ROBO1: variants seen among roughly 807,000 people sequenced by gnomAD.
ROBO1 encodes the protein roundabout homolog 1.
ROBO1 carries 149 observed loss-of-function variants against 195.9 expected under a neutral mutation model. That is an observed-to-expected ratio of 0.76 (90% CI 0.67 to 0.87). The LOEUF is 0.87. ROBO1 is among the 40% of genes least tolerant of loss of function. The pLI is 0.00. For missense variants in ROBO1, 1,933 were observed against 2,068.3 expected (o/e 0.93, Z 1.27); for synonymous variants, 816 against 733.2 (o/e 1.11, Z -1.82).
At chr3:78,935,545 A>G (rs2039757977) in intron 4 of ROBO1, among the ~76,000 whole-genome samples, 1 of 152,078 alleles carries the variant, frequency 6.6e-6, no homozygotes. Flanking sequence ...CATTGGTGAT[A>G]TTGGTTACAG....
intron 1 of ROBO1, among the ~76,000 whole-genome samples, chr3:79,620,412 C>T (rs560654828): frequency 6.6e-6 from 1 of 152,276 alleles, no homozygotes; most frequent in Non-Finnish European, 1.5e-5. Flanking sequence ...CTCCACATTA[C>T]CTTCTTTTCA....
At chr3:78,742,672 C>T (rs1210142654) in intron 5 of ROBO1, among the ~76,000 whole-genome samples, 1 of 152,162 alleles carries the variant, frequency 6.6e-6, no homozygotes, top group Non-Finnish European at 1.5e-5. Context: ...TCAGATGTTA[C>T]AACTTCCTAG....
At position 78,659,688 on chromosome 3, in the gene ROBO1, T is replaced by C; in HGVS notation, c.2440A>G (p.Lys814Glu). Reference sequence around the variant, plus strand: ...ATATATATATATTATACTCATACCTTATACTCTTGGACCATTCCATTTTGA... The same window carrying C: ...ATATATATATATTATACTCATACCTCATACTCTTGGACCATTCCATTTTGA... The part of the protein sequence containing the change: ...DTQNGMVQEY[K>E]VWCLGNETRY... Residue 814 changes from lysine to glutamate, a missense_variant and splice_region_variant, in exon 17 of 31, where the codon AAG becomes GAG. Physicochemically the swap from Lys to Glu is moderately conservative, Grantham distance 56. Around this residue, in one of 3 missense-constraint regions of ROBO1, gnomAD observed 1,737 missense variants for 1,882.5 expected, o/e 0.92. Transcript: ENST00000464233. The C allele has an allele frequency of 6.5e-7, 1 of 1,543,534 alleles. No individual in the cohort carries two copies. The highest frequency in any genetic ancestry group is 1.2e-5 in the South Asian group (1 of 83,454).
chr3:79,714,358 G>C (rs538577676), intron 1 of ROBO1, among the ~76,000 whole-genome samples: 1 of 152,266 alleles, frequency 6.6e-6, no homozygotes, highest in East Asian at 1.9e-4. Context: ...AACAGATGCT[G>C]GAGAGGATGT....
chr3:79,508,028 C>T (rs1279842630), intron 2 of ROBO1: 1 of 152,344 alleles, frequency 6.6e-6, no homozygotes, highest in Non-Finnish European at 1.5e-5. Flanking sequence ...AATGCATGTT[C>T]TCATTCATAA....
At chr3:79,441,122 G>A (rs1298542072) in intron 2 of ROBO1, among the ~76,000 whole-genome samples, 1 of 152,082 alleles carries the variant, frequency 6.6e-6, no homozygotes, top group Non-Finnish European at 1.5e-5. Context: ...AACAAAAGAT[G>A]CTAAGGTTGA....
intron 3 of ROBO1, among the ~76,000 whole-genome samples, chr3:79,034,096 T>C (rs2078342090): frequency 6.6e-6 from 1 of 152,164 alleles, no homozygotes; most frequent in Admixed American, 6.5e-5. Flanking sequence ...GTATTTTCAG[T>C]CAAATCTTTA....
At chr3:79,570,953 A>G (rs1943258145) in intron 2 of ROBO1, among the ~76,000 whole-genome samples, 1 of 152,132 alleles carries the variant, frequency 6.6e-6, no homozygotes, top group Admixed American at 6.6e-5. Flanking sequence ...TCTATCTATA[A>G]ATTAGAGAGG....
intron 2 of ROBO1, among the ~76,000 whole-genome samples, chr3:79,240,454 G>T (rs1037893278): frequency 6.6e-6 from 1 of 152,086 alleles, no homozygotes; most frequent in African/African-American, 2.4e-5. Context: ...ATTTAAGTCT[G>T]CTTGATCATC....
At chr3:79,142,844 CA>C (rs1407828843) in intron 2 of ROBO1, among the ~76,000 whole-genome samples, 1 of 151,978 alleles carries the variant, frequency 6.6e-6, no homozygotes, top group Non-Finnish European at 1.5e-5. Flanking sequence ...TATATATTGA[CA>C]GAATTATGAT....
intron 2 of ROBO1, among the ~76,000 whole-genome samples, chr3:79,563,528 C>T (rs1036455866): frequency 6.6e-6 from 1 of 151,826 alleles, no homozygotes; most frequent in Non-Finnish European, 1.5e-5. Flanking sequence ...TCTGTAAACA[C>T]AATGCAAAAT....
rs569678067 is a variant in ROBO1, at chr3:78,709,610, A to C, written c.1045+4787T>G. On this transcript the variant is annotated intron_variant, in intron 8 of 30. Transcript: ENST00000464233. ...AAGTAATCCCATGAATGTTACACCA[A>C]ATGTGGTACAGGTTTTAGTGGTGCA... is the stretch of plus-strand genomic sequence containing the variant. Among the ~76,000 whole-genome samples, 24 of 152,312 alleles carry C rather than the reference A, an allele frequency of 1.6e-4. No homozygotes were observed. In the South Asian group the frequency reaches 1.7e-3, roughly 11 times the overall value.
intron 1 of ROBO1, among the ~76,000 whole-genome samples, chr3:79,761,562 G>A (rs1379372430): frequency 6.6e-6 from 1 of 152,074 alleles, no homozygotes; most frequent in Non-Finnish European, 1.5e-5. Context: ...ATAATAAAAA[G>A]TCAGAGTCAT....
At chr3:79,162,067 T>C (rs371023074) in intron 2 of ROBO1, among the ~76,000 whole-genome samples, 1 of 152,130 alleles carries the variant, frequency 6.6e-6, no homozygotes, top group Non-Finnish European at 1.5e-5. Flanking sequence ...TCTACTGTTT[T>C]GAATCAGGAA....
intron 2 of ROBO1, among the ~76,000 whole-genome samples, chr3:79,301,259 C>G (rs892944840): frequency 2.0e-5 from 3 of 152,196 alleles, no homozygotes; most frequent in African/African-American, 2.4e-5. Flanking sequence ...AGAACAAACT[C>G]CAGAGCGCCA....
intron 2 of ROBO1, among the ~76,000 whole-genome samples, chr3:79,425,295 G>A (rs1408632606): frequency 2.0e-5 from 3 of 152,002 alleles, no homozygotes; most frequent in African/African-American, 2.4e-5. Flanking sequence ...CCAATTGAAC[G>A]GCAATTTATT....
At chr3:78,717,585 C>T (rs1182559088) in intron 6 of ROBO1, among the ~76,000 whole-genome samples, 172 bp from the exon 7 acceptor site, 1 of 152,020 alleles carries the variant, frequency 6.6e-6, no homozygotes, top group East Asian at 1.9e-4. Context: ...TCCTCCTAGT[C>T]CTCCTCCCAC....
chr3:79,292,984 T>A (rs1360729708), intron 2 of ROBO1, among the ~76,000 whole-genome samples: 1 of 152,192 alleles, frequency 6.6e-6, no homozygotes, highest in South Asian at 2.1e-4. Flanking sequence ...TGGTAGAATT[T>A]GGCTGTGAAT....
At chr3:79,460,434 T>C (rs77881389) in intron 2 of ROBO1, among the ~76,000 whole-genome samples, 5,236 of 152,294 alleles carry the variant, frequency 0.034, 204 homozygotes, top group African/African-American at 0.098. Context: ...TGTGAGTACA[T>C]AATAATTTTA....
Sources: allele counts gnomAD v4.1 joint callset (sites outside exome capture counted in the v4.1 genomes callset), GRCh38; gene constraint gnomAD v4.1.1; regional missense constraint gnomAD v4.1.1; transcripts MANE v1.5; gene names NCBI Gene and HGNC (gene_info 2026-07-23, HGNC 2026-07-21).